CKAP2: variants seen among roughly 807,000 people sequenced by gnomAD.
The protein encoded by CKAP2 is cytoskeleton associated protein 2.
A neutral mutation model predicts 58.4 loss-of-function variants in CKAP2; 46 were observed. That is an observed-to-expected ratio of 0.79 (90% CI 0.62 to 1.01). The LOEUF (loss-of-function observed/expected upper bound fraction) is 1.01. Ranked by LOEUF, CKAP2 falls within the 50% of genes least tolerant of loss-of-function variation. The pLI is 0.00. For missense variants in CKAP2, 809 were observed against 796.4 expected (o/e 1.02, Z -0.19); for synonymous variants, 293 against 280.9 (o/e 1.04, Z -0.43).
At chr13:52,462,713 A>G (rs1462145051) in intron 5 of CKAP2, 146 bp downstream of exon 5, 1 of 646,822 alleles carries the variant, frequency 1.5e-6, no homozygotes, top group East Asian at 2.8e-5. Flanking sequence ...GGTTATTTTA[A>G]CAATTATTTA....
intron 5 of CKAP2, among the ~76,000 whole-genome samples, chr13:52,462,834 A>G (rs982758254): frequency 1.4e-4 from 22 of 152,208 alleles, no homozygotes; most frequent in African/African-American, 5.3e-4. Context: ...CTTATCCAAA[A>G]TGCTTGGGAC....
At chr13:52,460,005 C>T (rs758912178) in intron 2 of CKAP2, among the ~76,000 whole-genome samples, 4 of 151,990 alleles carry the variant, frequency 2.6e-5, no homozygotes, top group African/African-American at 4.8e-5. Context: ...GACTATGGCA[C>T]CCACCACCAC....
chr13:52,475,228 G>C lies in CKAP2; in HGVS notation c.*87G>C, dbSNP rs1594147003. ...TAGCTTTATATTGCTCTTAGGTCTG[G>C]AGTTGGCCATGTACCTATGTATCCT... On this transcript the variant is annotated 3_prime_UTR_variant, in exon 9 of 9. Coordinates refer to ENST00000258607, the MANE Select transcript of CKAP2 (RefSeq NM_018204.5). 3 of 1,505,284 alleles carry C rather than the reference G, an allele frequency of 2.0e-6. No homozygotes were observed. The highest frequency in any genetic ancestry group is 2.7e-6 in the Non-Finnish European group (3 of 1,119,900). The allele number at this position is 1,505,284 out of a possible 1,614,324, so 93.2% of individuals were successfully genotyped here. A position where few individuals can be genotyped will look rare whatever the true frequency, so the allele number is the denominator to read the frequency against.
Position 52,461,322 on chromosome 13 carries a change from GATGCTAAC to G in CKAP2, c.501_508del (p.Asn168GlnfsTer16). On this transcript the variant is annotated frameshift_variant, in exon 4 of 9. Transcript: ENST00000258607. LOFTEE classifies it high-confidence loss of function. Reference sequence around the variant, plus strand: ...AATGACTACAGAAAAACAAAAGCAAGATGCTAACATGCCCAAGAAACCTGTGCTTGGAT... The same window carrying G: ...AATGACTACAGAAAAACAAAAGCAAGATGCCCAAGAAACCTGTGCTTGGAT... 6.2e-7 allele frequency: 1 copy of G among 1,614,100 alleles called. No individual in the cohort carries two copies. Among genetic ancestry groups the G allele is most frequent in the Non-Finnish European group, 8.5e-7 (1 of 1,180,004 alleles).
chr13:52,464,553 C>CAAA (rs66481844), intron 5 of CKAP2, among the ~76,000 whole-genome samples: 31 of 80,048 alleles, frequency 3.9e-4, no homozygotes, highest in African/African-American at 8.8e-4. Context: ...AACTCCGTCT[C>CAAA]AAAAAAAAAA....
intron 6 of CKAP2, chr13:52,465,781 TA>T (rs1205397207): frequency 8.7e-6 from 4 of 459,216 alleles, no homozygotes; most frequent in Non-Finnish European, 1.7e-5. Flanking sequence ...AGACTGAATG[TA>T]ATATTAAAAT....
At chr13:52,460,188 A>G (rs969814693) in intron 2 of CKAP2, among the ~76,000 whole-genome samples, 2 of 152,044 alleles carry the variant, frequency 1.3e-5, no homozygotes, top group Admixed American at 1.3e-4. Context: ...CCTAATATAA[A>G]TTAAGCTGTG....
intron 6 of CKAP2, among the ~76,000 whole-genome samples, chr13:52,467,966 C>T (rs1286687711): frequency 3.9e-5 from 6 of 152,046 alleles, no homozygotes; most frequent in Admixed American, 6.5e-5. Flanking sequence ...CCTGCCACCA[C>T]GCCCGGCTCA....
At position 52,455,511 on chromosome 13, in the gene CKAP2, T is replaced by C. The variant is rs777237124; in HGVS notation, c.-46T>C. The C allele has an allele frequency of 1.3e-5, 21 of 1,610,548 alleles. No individual in the cohort carries two copies. The Admixed American group carries it at 2.7e-4, about 20-fold the overall frequency. The stretch of plus-strand genomic sequence containing the variant: ...CGGCGGCGGTGGTCTGAGGAAGTTC[T>C]ATCTTGGCGCTAAAGCGGAGACGCA... On this transcript the variant is annotated 5_prime_UTR_variant, in exon 1 of 9. Transcript: ENST00000258607.
Position 52,475,427 on chromosome 13 carries a change from TACTACC to T in CKAP2, c.*287_*292del. On this transcript the variant is annotated 3_prime_UTR_variant, in exon 9 of 9. Coordinates refer to ENST00000258607, the MANE Select transcript of CKAP2 (RefSeq NM_018204.5). ...TTCCTTGAATATAAACAGGTTATAA[TACTACC>T]CTGTTCACTTTACTAAATATAAGTA... 1 of 312,276 alleles carries T rather than the reference TACTACC, an allele frequency of 3.2e-6. No individual in the cohort carries two copies. The highest frequency in any genetic ancestry group is 5.9e-6 in the Non-Finnish European group (1 of 168,986). The allele number at this position is 312,276 out of a possible 1,614,324, so 19.3% of individuals were successfully genotyped here.
chr13:52,456,944 G>A (rs551683422), intron 2 of CKAP2, among the ~76,000 whole-genome samples: 1 of 151,824 alleles, frequency 6.6e-6, no homozygotes, highest in Non-Finnish European at 1.5e-5. Flanking sequence ...CCAGGTTGGA[G>A]TGCAGTAGCG....
intron 5 of CKAP2, among the ~76,000 whole-genome samples, chr13:52,464,291 G>A (rs1290217212): frequency 1.3e-5 from 2 of 151,886 alleles, no homozygotes; most frequent in Non-Finnish European, 2.9e-5. Flanking sequence ...GGTGGCTCAC[G>A]CCTGTAATCC....
rs574652379 is a variant in CKAP2, at chr13:52,467,452, C to T, written c.1477-826C>T. Reference sequence around the variant, plus strand: ...AAATTCTAGGCCAGGCGTGGTGGCTCACACCTGTAATCCCAGCACTTTGGG... The same window carrying T: ...AAATTCTAGGCCAGGCGTGGTGGCTTACACCTGTAATCCCAGCACTTTGGG... On this transcript the variant is annotated intron_variant, in intron 6 of 8. Coordinates refer to ENST00000258607, the MANE Select transcript of CKAP2 (RefSeq NM_018204.5). 1.3e-3 allele frequency among the ~76,000 whole-genome samples: 199 copies of T among 152,254 alleles called. 6 individuals are homozygous for T. The South Asian group carries it at 0.037, about 28-fold the overall frequency.
At position 52,473,891 on chromosome 13, in the gene CKAP2, A is replaced by T; in HGVS notation, c.1609A>T (p.Thr537Ser). Residue 537 changes from threonine to serine, a missense_variant, in exon 8 of 9, where the codon ACA (threonine) becomes TCA (serine). By Grantham distance (58) the Thr-to-Ser change is moderately conservative. Around this residue, in one of 3 missense-constraint regions of CKAP2, gnomAD observed 283 missense variants for 287.6 expected, o/e 0.98. Coordinates refer to ENST00000258607, the MANE Select transcript of CKAP2 (RefSeq NM_018204.5). ...AGTCAAAGAAGTCAGTATTGAAGAT[A>T]CAGGTGTTGATGTAGATCCAGAAAA... ...EEVKEVSIEDTGVDVDPEKLE... is the reference protein window; with the variant it reads ...EEVKEVSIEDSGVDVDPEKLE... The T allele has an allele frequency of 6.2e-7, 1 of 1,613,844 alleles. No individual in the cohort carries two copies. The highest frequency in any genetic ancestry group is 1.1e-5 in the South Asian group (1 of 91,076).
At chr13:52,474,312 C>T (rs1958799847) in intron 8 of CKAP2, among the ~76,000 whole-genome samples, 1 of 151,936 alleles carries the variant, frequency 6.6e-6, no homozygotes, top group Non-Finnish European at 1.5e-5. Flanking sequence ...ATGGCAAAAC[C>T]CCATCTCTAC....
At chr13:52,459,479 T>C (rs749263459) in intron 2 of CKAP2, among the ~76,000 whole-genome samples, 10 of 152,178 alleles carry the variant, frequency 6.6e-5, no homozygotes, top group Non-Finnish European at 1.5e-4. Flanking sequence ...TTTGCCACCA[T>C]GCCTGGCCAA....
At chr13:52,473,801 G>C (rs114029778) in intron 7 of CKAP2, 28 bp from the exon 8 acceptor site, 1 of 1,560,492 alleles carries the variant, frequency 6.4e-7, no homozygotes, top group African/African-American at 1.4e-5. Flanking sequence ...TCAGCCAAAA[G>C]CTTAATCTAT....
intron 2 of CKAP2, among the ~76,000 whole-genome samples, chr13:52,458,152 T>G (rs1958517210): frequency 6.6e-6 from 1 of 152,136 alleles, no homozygotes; most frequent in Non-Finnish European, 1.5e-5. Flanking sequence ...AAAAAGGTGA[T>G]CCTAGGTTTT....
intron 2 of CKAP2, among the ~76,000 whole-genome samples, chr13:52,459,219 G>C (rs1169203919): frequency 6.6e-6 from 1 of 152,082 alleles, no homozygotes; most frequent in Non-Finnish European, 1.5e-5. Context: ...TCAAAGTTCT[G>C]TTCCTTCTCC....
Sources: gnomAD v4.1 joint callset for allele counts (sites outside exome capture counted in the v4.1 genomes callset) on GRCh38, gnomAD v4.1.1 for gene constraint, gnomAD v4.1.1 regional missense constraint, MANE v1.5 for transcripts, NCBI Gene and HGNC (gene_info 2026-07-23, HGNC 2026-07-21) for gene names.